KCNIP4: variants seen among roughly 807,000 people sequenced by gnomAD.
The protein encoded by KCNIP4 is Kv channel-interacting protein 4.
Under a neutral mutation model 34.0 loss-of-function variants are expected in KCNIP4, and 12 were observed. The ratio of observed to expected loss-of-function variants is 0.35; its 90% CI spans 0.23 to 0.57. KCNIP4 has a LOEUF of 0.57. Ranked by LOEUF, KCNIP4 falls within the 20% of genes least tolerant of loss-of-function variation. The pLI is 0.83. For synonymous variants in KCNIP4, 124 were observed against 102.2 expected (o/e 1.21, Z -1.29); for missense variants, 238 against 311.7 (o/e 0.76, Z 1.78).
intron 1 of KCNIP4, among the ~76,000 whole-genome samples, chr4:21,747,975 C>T (rs536129015): frequency 1.3e-5 from 2 of 152,220 alleles, no homozygotes; most frequent in South Asian, 4.2e-4. Context: ...AGCCAAGGAA[C>T]ATCAGGAGCC....
intron 3 of KCNIP4, among the ~76,000 whole-genome samples, chr4:20,814,536 C>G (rs959093511): frequency 2.0e-5 from 3 of 152,184 alleles, no homozygotes; most frequent in African/African-American, 7.2e-5. Flanking sequence ...TAGGCTCTGC[C>G]TCATATTAGT....
chr4:21,761,309 G>C (rs1050977431), intron 1 of KCNIP4, among the ~76,000 whole-genome samples: 2 of 152,072 alleles, frequency 1.3e-5, no homozygotes, highest in Admixed American at 6.6e-5. Context: ...ACTAAGGTGT[G>C]ATAGACAGTC....
At chr4:21,448,259 G>T (rs970046036) in intron 1 of KCNIP4, among the ~76,000 whole-genome samples, 3 of 152,104 alleles carry the variant, frequency 2.0e-5, no homozygotes, top group Admixed American at 6.6e-5. Flanking sequence ...ATAGAGAAAG[G>T]TTCTAGCATC....
intron 1 of KCNIP4, among the ~76,000 whole-genome samples, chr4:21,717,433 G>A (rs893396089): frequency 1.3e-5 from 2 of 152,070 alleles, no homozygotes; most frequent in African/African-American, 4.8e-5. Flanking sequence ...TGGCTTATAA[G>A]CAATAAATCA....
chr4:21,869,727 G>GAGATAGAT (rs71193417), intron 1 of KCNIP4, among the ~76,000 whole-genome samples: 19 of 143,602 alleles, frequency 1.3e-4, no homozygotes, highest in East Asian at 4.1e-4. Flanking sequence ...GAGAGATAAG[G>GAGATAGAT]AGATAGATAG....
chr4:21,656,322 T>C (rs4697225), intron 1 of KCNIP4, among the ~76,000 whole-genome samples: 1 of 151,968 alleles, frequency 6.6e-6, no homozygotes, highest in Non-Finnish European at 1.5e-5. Flanking sequence ...AGGGCCCATA[T>C]TTCTGCAGTA....
chr4:21,325,786 A>T (rs574712125), intron 1 of KCNIP4, among the ~76,000 whole-genome samples: 1 of 151,912 alleles, frequency 6.6e-6, no homozygotes, highest in South Asian at 2.1e-4. Context: ...AGGTTTTTAC[A>T]TGTTGTGTTT....
At chr4:21,237,310 T>C (rs1759438787) in intron 1 of KCNIP4, among the ~76,000 whole-genome samples, 1 of 152,126 alleles carries the variant, frequency 6.6e-6, no homozygotes, top group African/African-American at 2.4e-5. Flanking sequence ...GGGAGATGAA[T>C]AATGAACAAA....
intron 1 of KCNIP4, among the ~76,000 whole-genome samples, chr4:21,681,003 G>A (rs1750299307): frequency 6.6e-6 from 1 of 152,122 alleles, no homozygotes; most frequent in Admixed American, 6.6e-5. Context: ...TTGAAGCTTT[G>A]GAGCCAGGCA....
chr4:21,752,012 C>CGCT (rs1293192648), intron 1 of KCNIP4, among the ~76,000 whole-genome samples: 1 of 152,130 alleles, frequency 6.6e-6, no homozygotes, highest in Non-Finnish European at 1.5e-5. Context: ...TATAGATCAG[C>CGCT]GCTGCCTTTT....
intron 1 of KCNIP4, among the ~76,000 whole-genome samples, chr4:21,753,546 G>A (rs1398079597): frequency 1.3e-5 from 2 of 152,160 alleles, no homozygotes; most frequent in Non-Finnish European, 2.9e-5. Flanking sequence ...AAAAAAATAT[G>A]CCCTAGGTTA....
At chr4:20,857,884 C>A (rs1423278777) in intron 2 of KCNIP4, among the ~76,000 whole-genome samples, 17 of 151,900 alleles carry the variant, frequency 1.1e-4, no homozygotes, top group Non-Finnish European at 1.5e-5. Flanking sequence ...AAGGTCTAAC[C>A]CTGTATTTGG....
rs568664199 is a variant in KCNIP4 at position 21,516,270 on chromosome 4, T to C, written c.61+432301A>G. Among the ~76,000 whole-genome samples the C allele has an allele frequency of 9.5e-4, 145 of 152,266 alleles. 2 individuals are homozygous for C. The highest frequency in any genetic ancestry group is 3.3e-3 in the African/African-American group (136 of 41,550). On this transcript the variant is annotated intron_variant, in intron 1 of 8. Coordinates refer to ENST00000382152, the MANE Select transcript of KCNIP4 (RefSeq NM_025221.6). ...ACTTGTATCTCATGTATAATATACATAAGTTCTCTTCATATAGCCCAAAGT... is the reference window on the plus strand; with the variant it reads ...ACTTGTATCTCATGTATAATATACACAAGTTCTCTTCATATAGCCCAAAGT...
chr4:21,944,124 C>T (rs1209878631), intron 1 of KCNIP4, among the ~76,000 whole-genome samples: 3 of 151,860 alleles, frequency 2.0e-5, no homozygotes, highest in African/African-American at 7.3e-5. Context: ...CAAGAGATAA[C>T]TCCCCATCAA....
intron 1 of KCNIP4, chr4:21,304,073 G>GAC (rs1560272572): frequency 3.4e-5 from 8 of 235,778 alleles, no homozygotes; most frequent in Admixed American, 1.2e-4. Context: ...GAGAGACAGA[G>GAC]AGAGAGAGAG....
chr4:21,801,209 T>C (rs758486542), intron 1 of KCNIP4, among the ~76,000 whole-genome samples: 2 of 152,168 alleles, frequency 1.3e-5, no homozygotes, highest in Non-Finnish European at 2.9e-5. Flanking sequence ...ACATAAGCAA[T>C]AGAAGGTATT....
At chr4:21,188,708 T>C (rs1755419806) in intron 1 of KCNIP4, among the ~76,000 whole-genome samples, 2 of 152,350 alleles carry the variant, frequency 1.3e-5, no homozygotes, top group African/African-American at 2.4e-5. Flanking sequence ...CTTTTTTGAG[T>C]AGCATCCCCT....
At chr4:21,745,516 A>G (rs1253908164) in intron 1 of KCNIP4, among the ~76,000 whole-genome samples, 1 of 152,186 alleles carries the variant, frequency 6.6e-6, no homozygotes, top group African/African-American at 2.4e-5. Flanking sequence ...TAAATTAAAG[A>G]AAGCTTTACT....
intron 1 of KCNIP4, among the ~76,000 whole-genome samples, chr4:21,332,733 T>C (rs1161405162): frequency 1.3e-5 from 2 of 151,946 alleles, no homozygotes; most frequent in African/African-American, 4.8e-5. Context: ...TTCCTGTGTT[T>C]AGTACTGAAA....
Sources: gnomAD v4.1 joint callset for allele counts (sites outside exome capture counted in the v4.1 genomes callset) on GRCh38, gnomAD v4.1.1 for gene constraint, MANE v1.5 for transcripts, NCBI Gene and HGNC (gene_info 2026-07-23, HGNC 2026-07-21) for gene names.